Variants in KAZN observed in about 807,000 individuals in gnomAD.
KAZN encodes the protein kazrin, periplakin interacting protein.
In KAZN, 40 loss-of-function variants were observed where a neutral mutation model predicts 87.4. That is an observed-to-expected ratio of 0.46 (90% CI 0.36 to 0.60). The LOEUF is 0.60. Ranked by LOEUF, KAZN falls within the 20% of genes least tolerant of loss-of-function variation. KAZN has a pLI of 0.00. For synonymous variants in KAZN, 466 were observed against 458.3 expected (o/e 1.02, Z -0.22); for missense variants, 898 against 1,073.9 (o/e 0.84, Z 2.29).
At chr1:13,973,957 CT>C (rs1386447043) in intron 1 of KAZN, among the ~76,000 whole-genome samples, 3 of 152,230 alleles carry the variant, frequency 2.0e-5, no homozygotes, top group Non-Finnish European at 4.4e-5. Flanking sequence ...TATCGTCATA[CT>C]CACAGCTAGG....
chr1:14,532,387 C>G (rs1672253613), intron 2 of KAZN, among the ~76,000 whole-genome samples: 1 of 152,076 alleles, frequency 6.6e-6, no homozygotes. Context: ...CGGAGACTTG[C>G]TGCCTTACTT....
rs76347430 is a variant in KAZN, at chr1:14,069,324, A to G, written c.92-111111A>G. Among the ~76,000 whole-genome samples, 1,271 of 152,302 alleles carry G rather than the reference A, an allele frequency of 8.3e-3. 5 individuals are homozygous for G. Among genetic ancestry groups the G allele is most frequent in the Non-Finnish European group, 0.013 (893 of 68,042 alleles). Reference sequence around the variant, plus strand: ...ATGTGGGTAGCAGGGTTCCACGTGAAAAGTGCTCATTCTGGAATGACACCT... The same window carrying G: ...ATGTGGGTAGCAGGGTTCCACGTGAGAAGTGCTCATTCTGGAATGACACCT... On this transcript the variant is annotated intron_variant, in intron 1 of 16. Transcript: ENST00000636203.
At chr1:14,129,715 A>G (rs1644951069) in intron 1 of KAZN, among the ~76,000 whole-genome samples, 1 of 152,180 alleles carries the variant, frequency 6.6e-6, no homozygotes, top group African/African-American at 2.4e-5. Flanking sequence ...GCCCACAGGA[A>G]AAGGGAGCCA....
intron 2 of KAZN, among the ~76,000 whole-genome samples, chr1:14,374,063 T>C (rs533024762): frequency 2.6e-4 from 40 of 152,214 alleles, no homozygotes; most frequent in African/African-American, 7.7e-4. Context: ...TTGGAGGAGG[T>C]TGATAATTAG....
intron 2 of KAZN, among the ~76,000 whole-genome samples, chr1:14,985,276 G>T (rs1158480142): frequency 6.6e-6 from 1 of 151,360 alleles, no homozygotes; most frequent in Non-Finnish European, 1.5e-5. Context: ...GGCCAAGGTG[G>T]GAGGCCAAGG....
At chr1:14,711,823 C>T (rs895466503) in intron 1 of KAZN, among the ~76,000 whole-genome samples, 3 of 152,128 alleles carry the variant, frequency 2.0e-5, no homozygotes, top group Non-Finnish European at 4.4e-5. Context: ...TGAGAGACCC[C>T]GGGACAAAGG....
intron 1 of KAZN, among the ~76,000 whole-genome samples, chr1:14,114,277 G>A (rs181547759): frequency 3.2e-4 from 49 of 152,254 alleles, no homozygotes; most frequent in Non-Finnish European, 5.7e-4. Flanking sequence ...CAGCTGCTGC[G>A]TGGGGGGCCG....
chr1:14,540,830 TA>T (rs1672766770), intron 2 of KAZN, among the ~76,000 whole-genome samples: 1 of 152,190 alleles, frequency 6.6e-6, no homozygotes, highest in Admixed American at 6.5e-5. Flanking sequence ...TACATGTTAG[TA>T]AATTCTGGGT....
chr1:14,774,079 A>C (rs1393106320), intron 1 of KAZN, among the ~76,000 whole-genome samples: 4 of 152,158 alleles, frequency 2.6e-5, no homozygotes, highest in African/African-American at 9.7e-5. Flanking sequence ...AAAAGACCCC[A>C]CATGCTTTCT....
intron 2 of KAZN, among the ~76,000 whole-genome samples, chr1:14,557,851 A>G (rs1222748520): frequency 6.6e-6 from 1 of 152,134 alleles, no homozygotes; most frequent in Non-Finnish European, 1.5e-5. Context: ...AGCTCCTGCT[A>G]CAGAGCCTGG....
intron 1 of KAZN, among the ~76,000 whole-genome samples, chr1:13,959,860 T>G (rs1570391777): frequency 6.6e-6 from 1 of 152,110 alleles, no homozygotes; most frequent in Non-Finnish European, 1.5e-5. Flanking sequence ...CCCAACACCC[T>G]CCGTGGCTTA....
At position 14,026,221 on chromosome 1, in the gene KAZN, A is replaced by G. The variant is rs150760530; in HGVS notation, c.91+132465A>G. 2.6e-5 allele frequency among the ~76,000 whole-genome samples: 4 copies of G among 152,322 alleles called. No homozygotes were observed. In the East Asian group the frequency reaches 7.7e-4, roughly 29 times the overall value. On this transcript the variant is annotated intron_variant, in intron 1 of 16. Transcript: ENST00000636203. ...CATTTAATCCTCCCAATGAGAGCTCAGGGATTTTTGTCTTTTTGTTTCACT... is the reference window on the plus strand; with the variant it reads ...CATTTAATCCTCCCAATGAGAGCTCGGGGATTTTTGTCTTTTTGTTTCACT...
chr1:14,718,694 G>A (rs771024082), intron 1 of KAZN, among the ~76,000 whole-genome samples: 3 of 152,196 alleles, frequency 2.0e-5, no homozygotes, highest in Non-Finnish European at 4.4e-5. Context: ...GACCTCACAT[G>A]GCGAATGTCA....
intron 1 of KAZN, among the ~76,000 whole-genome samples, chr1:14,726,000 G>A (rs1643364233): frequency 6.6e-6 from 1 of 152,174 alleles, no homozygotes; most frequent in Non-Finnish European, 1.5e-5. Flanking sequence ...GTTATCTCTT[G>A]GCTTCAGTTC....
chr1:14,123,706 C>A (rs1012334493), intron 1 of KAZN, among the ~76,000 whole-genome samples: 1 of 152,202 alleles, frequency 6.6e-6, no homozygotes, highest in Admixed American at 6.5e-5. Flanking sequence ...TCTCCTTCTT[C>A]CTGGCTATTC....
At chr1:14,714,539 G>T (rs1443490878) in intron 1 of KAZN, among the ~76,000 whole-genome samples, 1 of 152,152 alleles carries the variant, frequency 6.6e-6, no homozygotes, top group Non-Finnish European at 1.5e-5. Flanking sequence ...TGTTTGTGGA[G>T]AGAGCAGACA....
chr1:14,543,489 C>T (rs971603427), intron 2 of KAZN, among the ~76,000 whole-genome samples: 2 of 152,180 alleles, frequency 1.3e-5, no homozygotes, highest in African/African-American at 4.8e-5. Flanking sequence ...TGCAGCAATG[C>T]CTGTCCATCC....
intron 1 of KAZN, among the ~76,000 whole-genome samples, chr1:14,676,275 T>A (rs951071927): frequency 1.2e-4 from 18 of 152,220 alleles, no homozygotes; most frequent in African/African-American, 4.3e-4. Flanking sequence ...AAATGATCTG[T>A]CATATTCTGT....
At chr1:14,148,367 G>C (rs1645398265) in intron 1 of KAZN, among the ~76,000 whole-genome samples, 2 of 151,788 alleles carry the variant, frequency 1.3e-5, no homozygotes, top group African/African-American at 4.8e-5. Flanking sequence ...ATCTTTTTCT[G>C]AACTTTTTGT....
Sources: gnomAD v4.1 joint callset for allele counts (sites outside exome capture counted in the v4.1 genomes callset) on GRCh38, gnomAD v4.1.1 for gene constraint, MANE v1.5 for transcripts, NCBI Gene and HGNC (gene_info 2026-07-23, HGNC 2026-07-21) for gene names.